Variants in DHRSX observed in about 807,000 individuals in gnomAD.
DHRSX encodes the protein dehydrogenase/reductase X-linked.
A neutral mutation model predicts 34.0 loss-of-function variants in DHRSX; 31 were observed. That is an observed-to-expected ratio of 0.91 (90% CI 0.69 to 1.23). The LOEUF is 1.23. DHRSX is among the 50% of genes most tolerant of loss of function. DHRSX has a pLI of 0.00. For synonymous variants in DHRSX, 201 were observed against 183.8 expected, an observed-to-expected ratio of 1.09 and a Z score of -0.76; for missense variants, 414 against 428.1, an observed-to-expected ratio of 0.97 and a Z score of 0.29.
At chrX:2,417,385 C>T (rs1414685366) in intron 2 of DHRSX, among the ~76,000 whole-genome samples, 1 of 152,158 alleles carries the variant, frequency 6.6e-6, no homozygotes, top group African/African-American at 2.4e-5. Context: ...TGATCTAACT[C>T]AACCTGTCAT....
chrX:2,393,555 G>T (rs113510454), intron 3 of DHRSX, among the ~76,000 whole-genome samples: 614 of 8,510 alleles, frequency 0.072, 41 homozygotes, highest in Non-Finnish European at 0.096. Context: ...CCCTGTCTCC[G>T]GCGCACACAG....
chrX:2,448,374 TAAA>T (rs760723953), intron 1 of DHRSX, among the ~76,000 whole-genome samples: 7,853 of 152,106 alleles, frequency 0.052, 266 homozygotes, highest in East Asian at 0.083. Context: ...TTCAGTTACA[TAAA>T]AGAAATAAAT....
At chrX:2,374,610 A>C (rs1192921626) in intron 3 of DHRSX, among the ~76,000 whole-genome samples, 1 of 136,838 alleles carries the variant, frequency 7.3e-6, no homozygotes, top group East Asian at 2.0e-4. Context: ...ATAGTGGTAC[A>C]TGCCTGTAAT....
intron 3 of DHRSX, among the ~76,000 whole-genome samples, chrX:2,332,345 G>A (rs949353838): frequency 5.9e-5 from 9 of 152,150 alleles, no homozygotes; most frequent in African/African-American, 2.2e-4. Flanking sequence ...TGCCAGGAAG[G>A]GAAGGGAAGG....
intron 3 of DHRSX, among the ~76,000 whole-genome samples, chrX:2,396,813 G>A (rs938385868): frequency 1.1e-4 from 16 of 148,824 alleles, no homozygotes; most frequent in Non-Finnish European, 2.2e-4. Context: ...TGCCCAGGCC[G>A]GAGCGCAATA....
chrX:2,385,152 G>A (rs1273212542), intron 3 of DHRSX, among the ~76,000 whole-genome samples: 3 of 148,388 alleles, frequency 2.0e-5, no homozygotes, highest in Admixed American at 6.7e-5. Flanking sequence ...GTATATATAT[G>A]TGTGTGTGTG....
chrX:2,371,223 G>C (rs868332291), intron 3 of DHRSX, among the ~76,000 whole-genome samples: 1 of 113,026 alleles, frequency 8.8e-6, no homozygotes, highest in Non-Finnish European at 2.1e-5. Flanking sequence ...TCCCGTTACC[G>C]TAGTCCCTCC....
intron 1 of DHRSX, chrX:2,488,665 G>T (rs2045017081): frequency 6.2e-7 from 1 of 1,610,530 alleles, no homozygotes; most frequent in Non-Finnish European, 8.5e-7. Context: ...TAATGCCAAA[G>T]AAACCGCCGC....
intron 3 of DHRSX, among the ~76,000 whole-genome samples, chrX:2,310,544 A>ATG (rs1385229424): frequency 3.8e-3 from 563 of 149,844 alleles, no homozygotes; most frequent in East Asian, 0.014. Flanking sequence ...GTGTGTGTAT[A>ATG]TGTGTGTGTG....
chrX:2,345,989 C>G (rs1422007249), intron 3 of DHRSX, among the ~76,000 whole-genome samples: 2 of 152,176 alleles, frequency 1.3e-5, no homozygotes, highest in East Asian at 3.9e-4. Flanking sequence ...TTGACTCAGA[C>G]ACACAGTTCC....
chrX:2,347,710 G>C (rs1240564399), intron 3 of DHRSX, among the ~76,000 whole-genome samples: 3 of 152,110 alleles, frequency 2.0e-5, no homozygotes, highest in Non-Finnish European at 4.4e-5. Flanking sequence ...AATAAGATTT[G>C]AGTGGGGACA....
At chrX:2,359,413 C>T (rs1194608735) in intron 3 of DHRSX, among the ~76,000 whole-genome samples, 1 of 152,174 alleles carries the variant, frequency 6.6e-6, no homozygotes, top group Non-Finnish European at 1.5e-5. Context: ...TGCGGTGGCT[C>T]ACGCCTGTAA....
intron 1 of DHRSX, among the ~76,000 whole-genome samples, chrX:2,430,470 G>A (rs1371657248): frequency 6.6e-6 from 1 of 152,140 alleles, no homozygotes; most frequent in Non-Finnish European, 1.5e-5. Context: ...TGGGGAACAT[G>A]TTTCGCAAGA....
rs1356975147 is a variant in DHRSX, at chrX:2,482,129, CT to C, written c.109+18687del. On this transcript the variant is annotated intron_variant, in intron 1 of 6. Coordinates refer to ENST00000334651, the MANE Select transcript of DHRSX (RefSeq NM_145177.3). ...CACACACGTGTGCCACCACGTCTGG[CT>C]TTTTTTTTTTTTTTAGAGACAGCAT... is the stretch of plus-strand genomic sequence containing the variant. Among the ~76,000 whole-genome samples, 826 of 129,752 alleles carry C rather than the reference CT, an allele frequency of 6.4e-3. 3 individuals are homozygous for C. The highest frequency in any genetic ancestry group is 0.012 in the Middle Eastern group (3 of 256). The allele number at this position is 129,752 out of a possible 152,430, so 85.1% of individuals were successfully genotyped here.
At chrX:2,241,801 G>A (rs1324793068) in intron 6 of DHRSX, among the ~76,000 whole-genome samples, 8 of 151,856 alleles carry the variant, frequency 5.3e-5, no homozygotes, top group Middle Eastern at 6.3e-3. Context: ...CCAGCTACTC[G>A]GGAAGCTGAG....
intron 3 of DHRSX, among the ~76,000 whole-genome samples, chrX:2,315,782 T>C (rs2042234706): frequency 6.6e-6 from 1 of 152,136 alleles, no homozygotes. Flanking sequence ...TGAGATGACA[T>C]CTGTAGCTTA....
At chrX:2,300,397 A>C (rs1200989850) in intron 3 of DHRSX, among the ~76,000 whole-genome samples, 1 of 152,146 alleles carries the variant, frequency 6.6e-6, no homozygotes, top group African/African-American at 2.4e-5. Context: ...GTTAATGCCG[A>C]GTGTCAACCT....
intron 3 of DHRSX, among the ~76,000 whole-genome samples, chrX:2,393,555 G>A (rs113510454): frequency 2.3e-4 from 2 of 8,858 alleles, no homozygotes; most frequent in Non-Finnish European, 4.5e-4. Context: ...CCCTGTCTCC[G>A]GCGCACACAG....
At chrX:2,289,287 T>C (rs943693856) in intron 4 of DHRSX, among the ~76,000 whole-genome samples, 6 of 151,978 alleles carry the variant, frequency 3.9e-5, no homozygotes, top group Non-Finnish European at 7.4e-5. Flanking sequence ...CTGGCTAATA[T>C]TTGTATTTTT....
Sources: gnomAD v4.1 joint callset for allele counts (sites outside exome capture counted in the v4.1 genomes callset) on GRCh38, gnomAD v4.1.1 for gene constraint, MANE v1.5 for transcripts, NCBI Gene and HGNC (gene_info 2026-07-23, HGNC 2026-07-21) for gene names.